The following MTAP variants were observed in gnomAD, a reference collection of about 807,000 sequenced individuals.
MTAP encodes the protein methylthioadenosine phosphorylase.
MTAP carries 33 observed loss-of-function variants against 33.6 expected under a neutral mutation model. The ratio of observed to expected loss-of-function variants is 0.98; its 90% CI spans 0.74 to 1.31. The LOEUF is 1.31. MTAP is among the 40% of genes most tolerant of loss of function. The probability of loss-of-function intolerance (pLI) is 0.00; values close to 1 mark genes in which losing one functional copy is unlikely to be tolerated. For synonymous variants in MTAP, 148 were observed against 125.7 expected (o/e 1.18, Z -1.19); for missense variants, 367 against 360.0 (o/e 1.02, Z -0.16).
intron 1 of MTAP, among the ~76,000 whole-genome samples, chr9:21,925,868 T>C (rs1818861332): frequency 6.6e-6 from 1 of 152,194 alleles, no homozygotes; most frequent in Non-Finnish European, 1.5e-5. Flanking sequence ...TTGGTGCTTA[T>C]GTCTTCATGG....
rs764611730 is a variant in MTAP at position 21,854,814 on chromosome 9, T to TA, written c.635dup (p.Tyr212Ter). The TA allele has an allele frequency of 2.5e-6, 4 of 1,614,048 alleles. No individual in the cohort carries two copies. The highest frequency in any genetic ancestry group is 1.3e-5 in the African/African-American group (1 of 74,924). ...TCTTGCTAAGGAGGCTGGAATTTGT[T>TA]ACGCAAGTATCGCCATGGCGACAGA... ...VVLAKEAGIC[Y>*]ASIAMATDYD... The change falls in exon 6 of 8, where the codon TAC (tyrosine) becomes TAAC (stop). Residue 212 changes from tyrosine (Y) to a stop codon, truncating the protein, a stop_gained and frameshift_variant. Transcript: ENST00000644715. LOFTEE classifies it high-confidence loss of function.
At chr9:21,838,078 G>A in intron 5 of MTAP, 68 bp downstream of exon 5, 1 of 1,352,002 alleles carries the variant, frequency 7.4e-7, no homozygotes, top group Non-Finnish European at 1.1e-6. Flanking sequence ...CTGGCATTTG[G>A]TTAATTGGCA....
chr9:21,844,105 A>G (rs1244450464), intron 5 of MTAP, among the ~76,000 whole-genome samples: 1 of 152,240 alleles, frequency 6.6e-6, no homozygotes, highest in Admixed American at 6.5e-5. Context: ...GAACACCTTT[A>G]TGCACACAAA....
intron 4 of MTAP, among the ~76,000 whole-genome samples, chr9:21,833,830 A>G (rs1047876903): frequency 2.6e-5 from 4 of 152,224 alleles, no homozygotes; most frequent in Non-Finnish European, 2.9e-5. Context: ...ACTAACAGCT[A>G]TCTTCAAGCC....
At chr9:21,919,005 T>C (rs750274292) in intron 1 of MTAP, among the ~76,000 whole-genome samples, 44 of 152,194 alleles carry the variant, frequency 2.9e-4, no homozygotes, top group Non-Finnish European at 5.9e-4. Context: ...TAGGAAAGCA[T>C]AGTTTGATGG....
chr9:21,913,785 A>C (rs1280471529), intron 1 of MTAP, among the ~76,000 whole-genome samples: 1 of 152,222 alleles, frequency 6.6e-6, no homozygotes, highest in Non-Finnish European at 1.5e-5. Flanking sequence ...AATGGGATCT[A>C]ATTAAACTAA....
At chr9:21,845,369 T>G (rs543942009) in intron 5 of MTAP, among the ~76,000 whole-genome samples, 83 of 152,274 alleles carry the variant, frequency 5.5e-4, no homozygotes, top group African/African-American at 2.0e-3. Flanking sequence ...AATAGCACTT[T>G]TATAGACCAA....
chr9:21,884,599 G>T (rs1472045202), intron 1 of MTAP, among the ~76,000 whole-genome samples: 1 of 152,160 alleles, frequency 6.6e-6, no homozygotes, highest in Admixed American at 6.5e-5. Flanking sequence ...GTGGTATGTA[G>T]TGGAGCCCCA....
intron 5 of MTAP, among the ~76,000 whole-genome samples, chr9:21,850,786 A>C (rs1825491082): frequency 1.3e-5 from 2 of 152,164 alleles, no homozygotes; most frequent in African/African-American, 4.8e-5. Flanking sequence ...TGACTCATCT[A>C]GCCATAAAGT....
chr9:21,815,917 C>G (rs914683909), intron 2 of MTAP, among the ~76,000 whole-genome samples: 1 of 152,104 alleles, frequency 6.6e-6, no homozygotes, highest in Non-Finnish European at 1.5e-5. Context: ...ATTATTGTTA[C>G]GAAGCGGCAT....
In MTAP at chr9:21,864,891, A is replaced by G. The variant is rs1466102335; in HGVS notation, c.*2877A>G. 4.1e-6 allele frequency: 4 copies of G among 985,436 alleles called. No homozygotes were observed. The highest frequency in any genetic ancestry group is 1.1e-4 in the East Asian group (1 of 8,812). The allele number at this position is 985,436 out of a possible 1,614,324, so 61.0% of individuals were successfully genotyped here. A position where few individuals can be genotyped will look rare whatever the true frequency, so the allele number is the denominator to read the frequency against. ...AGGGCATGGTTGTGGCCCCACCAAC[A>G]CCTATTTTCCAAATAATTATTCATT... On this transcript the variant is annotated 3_prime_UTR_variant, in exon 8 of 8. Coordinates refer to ENST00000644715, the MANE Select transcript of MTAP (RefSeq NM_002451.4).
chr9:21,823,306 A>C (rs1258658475), intron 4 of MTAP, among the ~76,000 whole-genome samples: 3 of 152,102 alleles, frequency 2.0e-5, no homozygotes, highest in Non-Finnish European at 2.9e-5. Context: ...TAGGGCAGGC[A>C]TGGTGGTGAC....
chr9:21,918,322 C>T, intron 1 of MTAP, among the ~76,000 whole-genome samples: 1 of 107,250 alleles, frequency 9.3e-6, no homozygotes, highest in East Asian at 2.7e-4. Flanking sequence ...TGCACTCCAG[C>T]CTGGGCGACA....
At chr9:21,809,692 A>C (rs994410446) in intron 1 of MTAP, among the ~76,000 whole-genome samples, 1 of 152,018 alleles carries the variant, frequency 6.6e-6, no homozygotes, top group African/African-American at 2.4e-5. Context: ...CAGGTTGCTT[A>C]GTTCTGAGGG....
rs796531496 is a variant in MTAP, at chr9:21,865,032, C to T, written c.*3018C>T. 2.4e-5 allele frequency: 24 copies of T among 985,452 alleles called. No individual in the cohort carries two copies. The African/African-American group carries it at 3.1e-4, about 13-fold the overall frequency. The allele number at this position is 985,452 out of a possible 1,614,324, so 61.0% of individuals were successfully genotyped here. A position where few individuals can be genotyped will look rare whatever the true frequency, so the allele number is the denominator to read the frequency against. On this transcript the variant is annotated 3_prime_UTR_variant, in exon 8 of 8. Coordinates refer to ENST00000644715, the MANE Select transcript of MTAP (RefSeq NM_002451.4). ...GAGTATCTGATGGGTTAGGAAGTCA[C>T]GAAATGAGGAGTTCTTGCCACATTT...
chr9:21,829,253 C>T (rs941009939), intron 4 of MTAP, among the ~76,000 whole-genome samples: 1 of 152,122 alleles, frequency 6.6e-6, no homozygotes, highest in Non-Finnish European at 1.5e-5. Context: ...AAAGCCACCC[C>T]GTGGATTATA....
intron 1 of MTAP, among the ~76,000 whole-genome samples, chr9:21,927,709 T>G (rs1818891713): frequency 6.6e-6 from 1 of 152,198 alleles, no homozygotes. Flanking sequence ...GCTCTGTCCC[T>G]GGGGACCTCA....
intron 2 of MTAP, 160 bp downstream of exon 2, chr9:21,815,679 C>T: frequency 1.6e-6 from 1 of 637,658 alleles, no homozygotes; most frequent in Admixed American, 3.1e-5. Context: ...TGTTGGGTTC[C>T]ATCAGCTGAG....
At chr9:21,918,011 GTT>G (rs1374959699) in intron 1 of MTAP, among the ~76,000 whole-genome samples, 1 of 152,196 alleles carries the variant, frequency 6.6e-6, no homozygotes, top group East Asian at 1.9e-4. Context: ...AATATTGTAT[GTT>G]TTCACTTACA....
Sources: gnomAD v4.1 joint callset for allele counts (sites outside exome capture counted in the v4.1 genomes callset) on GRCh38, gnomAD v4.1.1 for gene constraint, MANE v1.5 for transcripts, NCBI Gene and HGNC (gene_info 2026-07-23, HGNC 2026-07-21) for gene names.